Variants in MBOAT1 observed in about 807,000 individuals in gnomAD.
MBOAT1 encodes the protein membrane-bound glycerophospholipid O-acyltransferase 1.
In MBOAT1, 67 loss-of-function variants were observed where a neutral mutation model predicts 64.4. The ratio of observed to expected loss-of-function variants is 1.04; its 90% CI spans 0.85 to 1.27. MBOAT1 has a LOEUF of 1.27. Ranked by LOEUF, MBOAT1 falls within the 50% of genes most tolerant of loss-of-function variation. The pLI, the probability that MBOAT1 is intolerant of heterozygous loss-of-function variation, is 0.00. For missense variants in MBOAT1, 563 were observed against 604.6 expected (o/e 0.93, Z 0.72); for synonymous variants, 229 against 218.9 (o/e 1.05, Z -0.41).
In MBOAT1 at chr6:20,144,322, G is replaced by A. The variant is rs145079806; in HGVS notation, c.324-7C>T. On this transcript the variant is annotated splice_polypyrimidine_tract_variant and splice_region_variant and intron_variant, in intron 3 of 12. Transcript: ENST00000324607. ...TGCTACAAAAAAGGAATATCTGAAA[G>A]CAAAAACATAGATGATCAGATTATT... 15 of 1,559,448 alleles carry A rather than the reference G, an allele frequency of 9.6e-6. 1 individual carries two copies. In the East Asian group the frequency reaches 2.2e-4, roughly 23 times the overall value.
chr6:20,144,046 G>A (rs1282724468), intron 4 of MBOAT1, among the ~76,000 whole-genome samples, 174 bp downstream of exon 4: 1 of 152,202 alleles, frequency 6.6e-6, no homozygotes, highest in Non-Finnish European at 1.5e-5. Flanking sequence ...GCATAGCAGA[G>A]CTAACAGTCC....
intron 4 of MBOAT1, among the ~76,000 whole-genome samples, chr6:20,132,107 A>C (rs1451147226): frequency 6.6e-6 from 1 of 152,040 alleles, no homozygotes; most frequent in Non-Finnish European, 1.5e-5. Flanking sequence ...GGTCTCGAAC[A>C]TGAGCTCAAG....
intron 9 of MBOAT1, among the ~76,000 whole-genome samples, chr6:20,117,619 T>C (rs1760366863): frequency 6.6e-6 from 1 of 152,160 alleles, no homozygotes; most frequent in Non-Finnish European, 1.5e-5. Flanking sequence ...GTGGTCAGTT[T>C]CTACTATCTC....
In MBOAT1 at chr6:20,115,995, G is replaced by GAA. The variant is rs11448466; in HGVS notation, c.1012-645_1012-644dup. Among the ~76,000 whole-genome samples the GAA allele has an allele frequency of 4.5e-4, 66 of 146,876 alleles. 1 individual carries two copies. Among genetic ancestry groups the GAA allele is most frequent in the South Asian group, 3.0e-3 (14 of 4,614 alleles). On this transcript the variant is annotated intron_variant, in intron 9 of 12. Coordinates refer to ENST00000324607, the MANE Select transcript of MBOAT1 (RefSeq NM_001080480.3). ...ACCCATTACCTGGGTTTTCTCATTA[G>GAA]AAAAAAAAAAAGAAAAAGGTCTTAT...
At chr6:20,162,715 T>C (rs1761898235) in intron 1 of MBOAT1, among the ~76,000 whole-genome samples, 1 of 152,166 alleles carries the variant, frequency 6.6e-6, no homozygotes, top group Admixed American at 6.5e-5. Context: ...GCAGCTCCAT[T>C]AGTCAAACTG....
At chr6:20,195,900 A>C (rs1762942433) in intron 1 of MBOAT1, among the ~76,000 whole-genome samples, 1 of 152,076 alleles carries the variant, frequency 6.6e-6, no homozygotes, top group African/African-American at 2.4e-5. Context: ...AAAGGAGACA[A>C]AGCAGGCTGA....
intron 1 of MBOAT1, among the ~76,000 whole-genome samples, chr6:20,170,323 C>T (rs1209143315): frequency 1.3e-5 from 2 of 152,170 alleles, no homozygotes; most frequent in Non-Finnish European, 2.9e-5. Flanking sequence ...CTACAGAAAT[C>T]CTCACTTGCA....
intron 4 of MBOAT1, among the ~76,000 whole-genome samples, chr6:20,143,805 C>T (rs1443539890): frequency 6.6e-6 from 1 of 152,168 alleles, no homozygotes; most frequent in Non-Finnish European, 1.5e-5. Flanking sequence ...TTAAGAACCT[C>T]AGAACAGGGG....
intron 5 of MBOAT1, among the ~76,000 whole-genome samples, chr6:20,130,687 A>G (rs1760797014): frequency 6.6e-6 from 1 of 151,338 alleles, no homozygotes; most frequent in South Asian, 2.1e-4. Flanking sequence ...TTATCATTAG[A>G]TAATTTTCCA....
chr6:20,200,385 A>C (rs1365569089), intron 1 of MBOAT1, among the ~76,000 whole-genome samples: 1 of 152,088 alleles, frequency 6.6e-6, no homozygotes, highest in East Asian at 1.9e-4. Flanking sequence ...GCTAAAACCA[A>C]CCCTTCTGCA....
chr6:20,114,374 T>C (rs1240569667), intron 10 of MBOAT1, among the ~76,000 whole-genome samples: 1 of 152,234 alleles, frequency 6.6e-6, no homozygotes, highest in African/African-American at 2.4e-5. Flanking sequence ...TAAATAACGT[T>C]TTAAATTTTG....
chr6:20,110,615 T>C (rs1760109999), intron 11 of MBOAT1, among the ~76,000 whole-genome samples: 1 of 152,080 alleles, frequency 6.6e-6, no homozygotes, highest in African/African-American at 2.4e-5. Context: ...TCTTTCTTTT[T>C]TAACACCTCC....
Position 20,102,370 on chromosome 6 carries a change from T to C in MBOAT1, c.1404A>G (p.Ile468Met). Reference sequence around the variant, plus strand: ...CTTGTGGTTTCATTGGCAGAAATAGTATTATCAGGAGACTTATGATGTGCA... The same window carrying C: ...CTTGTGGTTTCATTGGCAGAAATAGCATTATCAGGAGACTTATGATGTGCA... ...FYLHIISLLI[I>M]LFLPMKPQAH... is the part of the protein sequence containing the mutation. The change falls in exon 13 of 13, where the codon ATA becomes ATG. Residue 468 changes from isoleucine (I) to methionine (M), a missense_variant. Physicochemically the swap from Ile to Met is conservative, Grantham distance 10. Coordinates refer to ENST00000324607, the MANE Select transcript of MBOAT1 (RefSeq NM_001080480.3). The C allele has an allele frequency of 1.9e-6, 3 of 1,612,622 alleles. No homozygotes were observed. The highest frequency in any genetic ancestry group is 2.5e-6 in the Non-Finnish European group (3 of 1,178,664).
chr6:20,173,337 T>C (rs962203985), intron 1 of MBOAT1, among the ~76,000 whole-genome samples: 4 of 152,076 alleles, frequency 2.6e-5, no homozygotes, highest in Admixed American at 1.3e-4. Flanking sequence ...TAGAAACTGG[T>C]GTCTTCTAGA....
Position 20,109,826 on chromosome 6 carries a change from A to G in MBOAT1, c.1210-77T>C, listed in dbSNP as rs1760071900. ...CAACTTTTACTCTGTGCATGCAGAT[A>G]GTATGCCACAGGAACATGGGCTACA... On this transcript the variant is annotated intron_variant, in intron 11 of 12. Transcript: ENST00000324607. The G allele has an allele frequency of 7.9e-6, 11 of 1,389,710 alleles. No homozygotes were observed. In the South Asian group the frequency reaches 1.6e-4, roughly 20 times the overall value. 86.1% of individuals were successfully genotyped at this position (1,389,710 alleles called of 1,614,324 possible).
intron 9 of MBOAT1, 133 bp from the exon 10 acceptor site, chr6:20,115,485 A>C (rs1031766116): frequency 4.3e-6 from 3 of 701,948 alleles, no homozygotes; most frequent in Non-Finnish European, 7.5e-6. Context: ...AGAGCAAGTC[A>C]GCTGTTCCAT....
intron 8 of MBOAT1, among the ~76,000 whole-genome samples, chr6:20,120,662 C>T (rs948406368): frequency 4.7e-5 from 3 of 63,804 alleles, no homozygotes; most frequent in South Asian, 5.3e-4. Context: ...GAGCAAAACT[C>T]CATCTAAAAA....
chr6:20,131,181 A>C lies in MBOAT1; in HGVS notation c.438T>G (p.Thr146=). Residue 146 remains threonine (T), a synonymous_variant, in exon 5 of 13, where the codon ACT becomes ACG. Coordinates refer to ENST00000324607, the MANE Select transcript of MBOAT1 (RefSeq NM_001080480.3). ...GGAATGCCAAGGTTGTGATCTTCTG[A>C]GTGACAATCATCAGAGGCCTGGAAG... ...TDFSGPLMIV[T]QKITTLAFQV... 1.2e-6 allele frequency: 2 copies of C among 1,613,978 alleles called. No individual in the cohort carries two copies. The highest frequency in any genetic ancestry group is 1.7e-6 in the Non-Finnish European group (2 of 1,179,838).
At position 20,100,309 on chromosome 6, in the gene MBOAT1, G is replaced by T. The variant is rs892066940; in HGVS notation, c.*1977C>A. ...TAATATTTACCATTTTTGCTAGTTT[G>T]CAAGATGTACATTTTTCTTGGTCTC... is the stretch of plus-strand genomic sequence containing the variant. On this transcript the variant is annotated 3_prime_UTR_variant, in exon 13 of 13. Transcript: ENST00000324607. 3.9e-5 allele frequency among the ~76,000 whole-genome samples: 6 copies of T among 152,046 alleles called. No homozygotes were observed. Among genetic ancestry groups the T allele is most frequent in the African/African-American group, 1.2e-4 (5 of 41,414 alleles).
Sources: allele counts gnomAD v4.1 joint callset (sites outside exome capture counted in the v4.1 genomes callset), GRCh38; gene constraint gnomAD v4.1.1; transcripts MANE v1.5; gene names NCBI Gene and HGNC (gene_info 2026-07-23, HGNC 2026-07-21).